The following CELSR1 variants were observed in gnomAD, a reference collection of about 807,000 sequenced individuals.
The protein encoded by CELSR1 is cadherin EGF LAG seven-pass G-type receptor 1.
Under a neutral mutation model 249.1 loss-of-function variants are expected in CELSR1, and 110 were observed. The ratio of observed to expected loss-of-function variants is 0.44; its 90% CI spans 0.38 to 0.52. CELSR1 has a LOEUF of 0.52. Ranked by LOEUF, CELSR1 falls within the 20% of genes least tolerant of loss-of-function variation. CELSR1 has a pLI of 0.00. For missense variants in CELSR1, 4,109 were observed against 4,296.4 expected, an observed-to-expected ratio of 0.96 and a Z score of 1.22; for synonymous variants, 2,113 against 1,900.0, an observed-to-expected ratio of 1.11 and a Z score of -2.92.
rs1319136343 is a variant in CELSR1, at chr22:46,468,990, C to T, written c.3545-4645G>A. Among the ~76,000 whole-genome samples, 3 of 152,084 alleles carry T rather than the reference C, an allele frequency of 2.0e-5. No homozygotes were observed. The highest frequency in any genetic ancestry group is 4.4e-5 in the Non-Finnish European group (3 of 68,026). ...ACTCGGAAGGCTGAGGCTTGAGAAT[C>T]GCTTGAACCTGGGAGGCAGAGGTTG... On this transcript the variant is annotated intron_variant, in intron 1 of 34. Transcript: ENST00000674500. This position sits in a 1 kb window ranked among gnomAD's most constrained non-coding sequence, Gnocchi z 4.5.
rs558521648 is a variant in CELSR1, at chr22:46,435,018, A to C, written c.4522+1156T>G. Among the ~76,000 whole-genome samples the C allele has an allele frequency of 9.9e-5, 15 of 152,212 alleles. 1 individual carries two copies. The South Asian group carries it at 2.9e-3, about 29-fold the overall frequency. On this transcript the variant is annotated intron_variant, in intron 4 of 34. Coordinates refer to ENST00000674500, the MANE Select transcript of CELSR1 (RefSeq NM_001378328.1). ...TCTCAAAAGAAGAACAAAAACAAAA[A>C]AAAAAGTCATGTGTGCCAGAAAAAC...
In CELSR1 at chr22:46,535,404, C is replaced by A; in HGVS notation, c.1767G>T (p.Ala589=). ...PLGYPVVHIQ[A]VDADSGENAR... is the part of the protein sequence containing the mutation. ...CGTTCTCTCCAGAGTCCGCGTCCACCGCCTGAATGTGCACCACGGGGTAGC... is the reference window on the plus strand; with the variant it reads ...CGTTCTCTCCAGAGTCCGCGTCCACAGCCTGAATGTGCACCACGGGGTAGC... Residue 589 remains alanine (A), a synonymous_variant, in exon 1 of 35, where the codon GCG becomes GCT. Transcript: ENST00000674500. The A allele has an allele frequency of 6.2e-7, 1 of 1,609,192 alleles. No homozygotes were observed. Among genetic ancestry groups the A allele is most frequent in the Non-Finnish European group, 8.5e-7 (1 of 1,177,986 alleles).
intron 1 of CELSR1, among the ~76,000 whole-genome samples, chr22:46,523,085 C>A (rs2080702118): frequency 6.6e-6 from 1 of 152,230 alleles, no homozygotes; most frequent in African/African-American, 2.4e-5. Flanking sequence ...GCATTCTTAT[C>A]TCCGAATGCT....
chr22:46,479,386 G>A (rs1383906798), intron 1 of CELSR1, among the ~76,000 whole-genome samples: 3 of 152,224 alleles, frequency 2.0e-5, no homozygotes, highest in Admixed American at 6.5e-5. Context: ...GCTGCCAGGG[G>A]AAAACTGTCT....
chr22:46,494,942 T>C (rs1476506236), intron 1 of CELSR1, among the ~76,000 whole-genome samples: 1 of 152,234 alleles, frequency 6.6e-6, no homozygotes, highest in African/African-American at 2.4e-5. Flanking sequence ...AGAAACACAT[T>C]TTTAAAAACA....
chr22:46,378,469 T>G, intron 23 of CELSR1, 122 bp downstream of exon 23: 1 of 1,076,530 alleles, frequency 9.3e-7, no homozygotes, highest in Non-Finnish European at 1.3e-6. Flanking sequence ...AGGGGACAGA[T>G]TTGGGGGCAG....
chr22:46,410,266 C>T lies in CELSR1; in HGVS notation c.4933+132G>A. On this transcript the variant is annotated intron_variant, in intron 7 of 34. Transcript: ENST00000674500. This position sits in a 1 kb window ranked among gnomAD's most constrained non-coding sequence, Gnocchi z 6.8. The stretch of plus-strand genomic sequence containing the variant: ...TCCGGGTTCCATCCCAGGAGCTGCC[C>T]ACCGCTGGACACATACATTTCTAAG... 3.5e-6 allele frequency: 4 copies of T among 1,133,896 alleles called. No homozygotes were observed. Among genetic ancestry groups the T allele is most frequent in the Non-Finnish European group, 5.0e-6 (4 of 796,394 alleles). 70.2% of individuals were successfully genotyped at this position (1,133,896 alleles called of 1,614,324 possible). A position where few individuals can be genotyped will look rare whatever the true frequency, so the allele number is the denominator to read the frequency against.
chr22:46,421,416 G>A (rs1434878824), intron 5 of CELSR1, among the ~76,000 whole-genome samples: 2 of 152,132 alleles, frequency 1.3e-5, no homozygotes, highest in South Asian at 2.1e-4. Flanking sequence ...GCCCTGGGGC[G>A]ACTTTCCATA....
chr22:46,481,279 A>C, intron 1 of CELSR1: 1 of 430,766 alleles, frequency 2.3e-6, no homozygotes, highest in Non-Finnish European at 4.2e-6. Flanking sequence ...ATTCCTTATA[A>C]AAAATACATT....
In CELSR1 at chr22:46,400,024, T is replaced by C. The variant is rs1453960252; in HGVS notation, c.5227-122A>G. 81 of 1,073,638 alleles carry C rather than the reference T, an allele frequency of 7.5e-5. No individual in the cohort carries two copies. The East Asian group carries it at 1.7e-3, about 23-fold the overall frequency. The allele number at this position is 1,073,638 out of a possible 1,614,324, so 66.5% of individuals were successfully genotyped here. ...TGATTATGTGGCACCAGATACAAGA[T>C]AGGCTTAAAAATTAGGCAAAGTTGG... On this transcript the variant is annotated intron_variant, in intron 9 of 34. Coordinates refer to ENST00000674500, the MANE Select transcript of CELSR1 (RefSeq NM_001378328.1).
chr22:46,391,841 G>A lies in CELSR1; in HGVS notation c.5965-25C>T. On this transcript the variant is annotated intron_variant, in intron 14 of 34. Transcript: ENST00000674500. The surrounding 1 kb of genome is among the most constrained non-coding windows in gnomAD (Gnocchi z 4.3). ...CCTGCAAAAGCCAGAGGCAGGGCCTGTGACTTCAGATGCCCGGGAGAGGCC... is the reference window on the plus strand; with the variant it reads ...CCTGCAAAAGCCAGAGGCAGGGCCTATGACTTCAGATGCCCGGGAGAGGCC... 2 of 1,599,296 alleles carry A rather than the reference G, an allele frequency of 1.3e-6. No individual in the cohort carries two copies. The highest frequency in any genetic ancestry group is 8.5e-7 in the Non-Finnish European group (1 of 1,175,354).
rs897626715 is a variant in CELSR1, at chr22:46,373,028, G to C, written c.7614C>G (p.Leu2538=). The change falls in exon 25 of 35, where the codon CTC becomes CTG. Residue 2538 remains leucine (L), a synonymous_variant. Transcript: ENST00000674500. ...PFLCTVVAIL[L]HYIYMSTFAW... ...CAAAGGTGCTCATGTAGATGTAGTG[G>C]AGGAGGATGGCAACCACTGTGCACA... The C allele has an allele frequency of 6.2e-7, 1 of 1,611,248 alleles. No homozygotes were observed. Among genetic ancestry groups the C allele is most frequent in the African/African-American group, 1.3e-5 (1 of 75,020 alleles).
chr22:46,426,696 G>T (rs2079541645), intron 5 of CELSR1, among the ~76,000 whole-genome samples: 2 of 152,176 alleles, frequency 1.3e-5, no homozygotes, highest in Non-Finnish European at 2.9e-5. Context: ...TCAAGAGATG[G>T]GCCCTTTAGG....
chr22:46,384,538 T>A lies in CELSR1; in HGVS notation c.6883+5A>T. ...GGGCAGCAGCAGGTTTCTAAGCGGT[T>A]TTACCTTTTTCTTCAGGTGGTCTGA... On this transcript the variant is annotated splice_donor_5th_base_variant and intron_variant, in intron 20 of 34. Transcript: ENST00000674500. 4 of 1,598,718 alleles carry A rather than the reference T, an allele frequency of 2.5e-6. No homozygotes were observed. In the South Asian group the frequency reaches 4.5e-5, roughly 18 times the overall value.
At position 46,430,728 on chromosome 22, in the gene CELSR1, G is replaced by A. The variant is rs1237238404; in HGVS notation, c.4611+2665C>T. On this transcript the variant is annotated intron_variant, in intron 5 of 34. Transcript: ENST00000674500. This position sits in a 1 kb window ranked among gnomAD's most constrained non-coding sequence, Gnocchi z 4.6. ...CCAGCCCCCAGAAGATTGTCTTCCT[G>A]ACCTCAAGCTGGCCCCCGCCACCCC... is the stretch of plus-strand genomic sequence containing the variant. Among the ~76,000 whole-genome samples, 1 of 152,078 alleles carries A rather than the reference G, an allele frequency of 6.6e-6. No individual in the cohort carries two copies. The highest frequency in any genetic ancestry group is 1.5e-5 in the Non-Finnish European group (1 of 68,008).
In CELSR1 at chr22:46,507,338, G is replaced by C. The variant is rs1364452720; in HGVS notation, c.3544+26289C>G. ...CCACAATGCCTGCTGAAGTCGGGGG[G>C]GTAGCCAGGGAGCTACTGGACTACC... is the stretch of plus-strand genomic sequence containing the variant. On this transcript the variant is annotated intron_variant, in intron 1 of 34. Coordinates refer to ENST00000674500, the MANE Select transcript of CELSR1 (RefSeq NM_001378328.1). 2.0e-5 allele frequency among the ~76,000 whole-genome samples: 3 copies of C among 152,092 alleles called. No homozygotes were observed. The South Asian group carries it at 6.2e-4, about 31-fold the overall frequency.
In CELSR1 at chr22:46,409,247, C is replaced by A. The variant is rs2079303081; in HGVS notation, c.5060-85G>T. 2 of 1,427,842 alleles carry A rather than the reference C, an allele frequency of 1.4e-6. No homozygotes were observed. Among genetic ancestry groups the A allele is most frequent in the Admixed American group, 4.0e-5 (2 of 49,450 alleles). 88.4% of individuals were successfully genotyped at this position (1,427,842 alleles called of 1,614,324 possible). On this transcript the variant is annotated intron_variant, in intron 8 of 34. Transcript: ENST00000674500. The surrounding 1 kb of genome is among the most constrained non-coding windows in gnomAD (Gnocchi z 9.8). ...GCTGCAGGGGCGGGGGATGGGCCTG[C>A]AGGCTAGGCCTGGGCCTTTTTCACT... is the stretch of plus-strand genomic sequence containing the variant.
chr22:46,458,142 G>A (rs1344809538), intron 2 of CELSR1, among the ~76,000 whole-genome samples: 2 of 152,180 alleles, frequency 1.3e-5, no homozygotes, highest in Non-Finnish European at 2.9e-5. Flanking sequence ...AACATTCAGG[G>A]AAGACCTGGG....
rs759439786 is a variant in CELSR1 at position 46,386,412 on chromosome 22, G to A, written c.6729C>T (p.Thr2243=). ...CAGCCAGCGCCTTACTCATGTTGGC[G>A]GTGACGATGACGAAGGGCCGCAGGT... ...RTYLRPFVIV[T]ANMILAVDIF... Residue 2243 remains threonine (T), a synonymous_variant, in exon 19 of 35, where the codon ACC becomes ACT. Coordinates refer to ENST00000674500, the MANE Select transcript of CELSR1 (RefSeq NM_001378328.1). 2.7e-5 allele frequency: 43 copies of A among 1,577,314 alleles called. No homozygotes were observed. The highest frequency in any genetic ancestry group is 2.0e-4 in the Middle Eastern group (1 of 5,022).
Sources: allele counts gnomAD v4.1 joint callset (sites outside exome capture counted in the v4.1 genomes callset), GRCh38; gene constraint gnomAD v4.1.1; non-coding constraint Gnocchi (gnomAD v3.1); transcripts MANE v1.5; gene names NCBI Gene and HGNC (gene_info 2026-07-23, HGNC 2026-07-21).